Variants in FUT9 observed in about 807,000 individuals in gnomAD.
FUT9 encodes the protein 4-galactosyl-N-acetylglucosaminide 3-alpha-L-fucosyltransferase 9.
Under a neutral mutation model 29.7 loss-of-function variants are expected in FUT9, and 15 were observed. The observed-to-expected ratio is 0.51, with a 90% confidence interval of 0.34 to 0.78. The LOEUF (loss-of-function observed/expected upper bound fraction) is 0.78, where lower values mean the gene tolerates loss of function less well. FUT9 is among the 30% of genes least tolerant of loss of function. The pLI is 0.01. For missense variants in FUT9, 319 were observed against 425.4 expected (o/e 0.75, Z 2.20); for synonymous variants, 169 against 153.7 (o/e 1.10, Z -0.74).
At chr6:96,155,825 T>A (rs895456018) in intron 2 of FUT9, among the ~76,000 whole-genome samples, 2 of 146,876 alleles carry the variant, frequency 1.4e-5, no homozygotes, top group Admixed American at 6.7e-5. Context: ...GACCTAACCC[T>A]CCTGACCCCT....
At chr6:96,048,326 A>G (rs1195131147) in intron 1 of FUT9, among the ~76,000 whole-genome samples, 3 of 152,170 alleles carry the variant, frequency 2.0e-5, no homozygotes, top group Admixed American at 6.5e-5. Flanking sequence ...GGGGAGGTTC[A>G]TTCTGCCTGT....
chr6:96,056,649 A>T (rs916379576), intron 1 of FUT9, among the ~76,000 whole-genome samples: 1 of 152,080 alleles, frequency 6.6e-6, no homozygotes, highest in East Asian at 1.9e-4. Context: ...ACTTGCGAGG[A>T]TGAAGCAGGA....
At chr6:96,158,479 A>G (rs1311383968) in intron 2 of FUT9, among the ~76,000 whole-genome samples, 1 of 152,118 alleles carries the variant, frequency 6.6e-6, no homozygotes, top group African/African-American at 2.4e-5. Context: ...ATATTAATCC[A>G]TTTGAATTTA....
chr6:96,075,542 T>C (rs1771129907), intron 1 of FUT9, among the ~76,000 whole-genome samples: 1 of 152,196 alleles, frequency 6.6e-6, no homozygotes, highest in South Asian at 2.1e-4. Flanking sequence ...CTCAAGTTAC[T>C]TATGTATAAC....
chr6:96,052,392 CA>C (rs1382523024), intron 1 of FUT9, among the ~76,000 whole-genome samples: 1 of 152,264 alleles, frequency 6.6e-6, no homozygotes. Flanking sequence ...TCTTTCTTTC[CA>C]TGATATTTAT....
At chr6:96,021,930 A>G (rs1770076398) in intron 1 of FUT9, among the ~76,000 whole-genome samples, 1 of 152,030 alleles carries the variant, frequency 6.6e-6, no homozygotes, top group Non-Finnish European at 1.5e-5. Flanking sequence ...TTTATGTTCA[A>G]TATTGGTTTA....
intron 1 of FUT9, among the ~76,000 whole-genome samples, chr6:96,089,709 A>G (rs528149268): frequency 1.3e-5 from 2 of 152,274 alleles, no homozygotes; most frequent in Admixed American, 6.5e-5. Context: ...AATAACTTGT[A>G]TTGAAATACT....
At chr6:96,121,854 ATCTC>A (rs10538644) in intron 2 of FUT9, among the ~76,000 whole-genome samples, 104,230 of 151,310 alleles carry the variant, frequency 0.69, 37,088 homozygotes, top group East Asian at 0.84. Flanking sequence ...CTTAAAATAA[ATCTC>A]TATGTTGCTA....
At chr6:96,092,872 C>T (rs1435240683) in intron 1 of FUT9, among the ~76,000 whole-genome samples, 3 of 151,982 alleles carry the variant, frequency 2.0e-5, no homozygotes, top group Non-Finnish European at 2.9e-5. Context: ...ACAATCCTCC[C>T]ACCTCAACCT....
At chr6:96,139,470 G>C (rs1239931288) in intron 2 of FUT9, among the ~76,000 whole-genome samples, 1 of 152,134 alleles carries the variant, frequency 6.6e-6, no homozygotes, top group South Asian at 2.1e-4. Flanking sequence ...GGAGGACGGT[G>C]GCCTCCTTCT....
At chr6:96,155,277 C>T (rs1229902511) in intron 2 of FUT9, among the ~76,000 whole-genome samples, 1 of 152,120 alleles carries the variant, frequency 6.6e-6, no homozygotes, top group African/African-American at 2.4e-5. Context: ...AAAGGTCTTT[C>T]TTGTCTTTTT....
Position 96,203,328 on chromosome 6 carries a change from C to T in FUT9, c.173C>T (p.Thr58Ile). The T allele has an allele frequency of 1.2e-6, 2 of 1,613,848 alleles. No individual in the cohort carries two copies. Among genetic ancestry groups the T allele is most frequent in the Non-Finnish European group, 8.5e-7 (1 of 1,179,842 alleles). Residue 58 changes from threonine to isoleucine, a missense_variant, in exon 3 of 3, where the codon ACT becomes ATT. By Grantham distance (89) the Thr-to-Ile change is moderately conservative. Transcript: ENST00000302103. The stretch of plus-strand genomic sequence containing the variant: ...ATGAAAAACTTCTTTTCCACCAAAA[C>T]TGATTATTTTAATGAAACTACTATT... Reference protein sequence around the residue: ...LKMKNFFSTKTDYFNETTILV... With the variant: ...LKMKNFFSTKIDYFNETTILV...
intron 2 of FUT9, among the ~76,000 whole-genome samples, chr6:96,119,869 A>T (rs895607310): frequency 1.3e-5 from 2 of 152,162 alleles, no homozygotes; most frequent in Non-Finnish European, 2.9e-5. Context: ...TAATTTGAAA[A>T]TACTTTACTA....
rs538339789 is a variant in FUT9, at chr6:96,066,243, A to C, written c.-97-47796A>C. Among the ~76,000 whole-genome samples the C allele has an allele frequency of 7.9e-5, 12 of 152,142 alleles. No individual in the cohort carries two copies. In the East Asian group the frequency reaches 1.9e-3, roughly 24 times the overall value. ...TCTATTTAGAATTTTGCTTATTCTC[A>C]TCTGTTTCTTTAAAGTGATTTAGTA... On this transcript the variant is annotated intron_variant, in intron 1 of 2. Coordinates refer to ENST00000302103, the MANE Select transcript of FUT9 (RefSeq NM_006581.4).
intron 1 of FUT9, among the ~76,000 whole-genome samples, chr6:96,056,676 G>A (rs1456988877): frequency 1.3e-5 from 2 of 151,962 alleles, no homozygotes; most frequent in Non-Finnish European, 2.9e-5. Flanking sequence ...CTTGAGCCCA[G>A]GAGTTCGAGT....
intron 2 of FUT9, among the ~76,000 whole-genome samples, chr6:96,152,826 A>G (rs11156243): frequency 0.16 from 24,093 of 152,210 alleles, 2,113 homozygotes; most frequent in African/African-American, 0.19. Context: ...ATTGCTTTTC[A>G]GAAGAAAGTT....
intron 2 of FUT9, among the ~76,000 whole-genome samples, chr6:96,164,253 C>CTTTTT (rs57049980): frequency 8.2e-4 from 87 of 105,788 alleles, no homozygotes; most frequent in Non-Finnish European, 1.1e-3. Flanking sequence ...GATCCAGGTT[C>CTTTTT]TTTTTTTTTT....
chr6:96,147,685 T>C (rs553407694), intron 2 of FUT9, among the ~76,000 whole-genome samples: 1 of 152,042 alleles, frequency 6.6e-6, no homozygotes, highest in African/African-American at 2.4e-5. Context: ...AGAGTGAAGA[T>C]TTCTTAACTC....
chr6:96,045,062 T>C (rs969569123), intron 1 of FUT9, among the ~76,000 whole-genome samples: 14 of 152,184 alleles, frequency 9.2e-5, no homozygotes, highest in Non-Finnish European at 1.8e-4. Flanking sequence ...CCAGGCTCAC[T>C]GAACAGGAGA....
Sources: gnomAD v4.1 joint callset for allele counts (sites outside exome capture counted in the v4.1 genomes callset) on GRCh38, gnomAD v4.1.1 for gene constraint, MANE v1.5 for transcripts, NCBI Gene and HGNC (gene_info 2026-07-23, HGNC 2026-07-21) for gene names.